Variants in HECW1 observed in about 807,000 individuals in gnomAD.
HECW1 encodes the protein E3 ubiquitin-protein ligase HECW1.
In HECW1, 61 loss-of-function variants were observed where a neutral mutation model predicts 182.3. The observed-to-expected ratio is 0.33, with a 90% confidence interval of 0.27 to 0.41. The LOEUF is 0.41. Among genes scored for constraint, HECW1 ranks in the 10% least tolerant of loss-of-function variants. The pLI is 1.00. For missense variants in HECW1, 1,739 were observed against 2,108.9 expected, an observed-to-expected ratio of 0.82 and a Z score of 3.44; for synonymous variants, 859 against 832.6, an observed-to-expected ratio of 1.03 and a Z score of -0.55.
At chr7:43,315,596 C>T (rs1396084172) in intron 4 of HECW1, among the ~76,000 whole-genome samples, 6 of 152,014 alleles carry the variant, frequency 3.9e-5, no homozygotes, top group Admixed American at 3.3e-4. Context: ...CAGGTTCAAG[C>T]GATTCTCCTG....
At chr7:43,269,475 C>T (rs1802145416) in intron 3 of HECW1, among the ~76,000 whole-genome samples, 2 of 152,190 alleles carry the variant, frequency 1.3e-5, no homozygotes, top group Non-Finnish European at 2.9e-5. Flanking sequence ...CATAGAATAA[C>T]ACTCTATTGT....
intron 4 of HECW1, among the ~76,000 whole-genome samples, chr7:43,317,823 G>GTGTA (rs1372583712): frequency 6.6e-6 from 1 of 150,428 alleles, no homozygotes; most frequent in Admixed American, 6.6e-5. Context: ...GTGTGTGTGT[G>GTGTA]TGTGTGTGTG....
At chr7:43,139,494 T>G (rs1787928823) in intron 2 of HECW1, among the ~76,000 whole-genome samples, 1 of 152,092 alleles carries the variant, frequency 6.6e-6, no homozygotes, top group South Asian at 2.1e-4. Flanking sequence ...TAGAGACTCC[T>G]GTTTTCCTAT....
chr7:43,556,360 G>A (rs2082021871), intron 29 of HECW1, among the ~76,000 whole-genome samples: 1 of 152,196 alleles, frequency 6.6e-6, no homozygotes, highest in Non-Finnish European at 1.5e-5. Flanking sequence ...CACAGGGGAT[G>A]CAGTTGAGAA....
At chr7:43,200,976 A>G (rs1278612674) in intron 2 of HECW1, among the ~76,000 whole-genome samples, 2 of 152,190 alleles carry the variant, frequency 1.3e-5, no homozygotes, top group East Asian at 3.9e-4. Flanking sequence ...GAAGGTTTTT[A>G]TTTCCAGAGT....
chr7:43,438,522 T>C (rs1043231031), intron 9 of HECW1: 2 of 155,184 alleles, frequency 1.3e-5, no homozygotes, highest in Non-Finnish European at 2.9e-5. Context: ...GATTTAATCA[T>C]ATGTGACATT....
At chr7:43,418,442 C>A (rs971971635) in intron 8 of HECW1, among the ~76,000 whole-genome samples, 6 of 151,916 alleles carry the variant, frequency 3.9e-5, no homozygotes, top group Admixed American at 6.6e-5. Context: ...CTGTTTAATT[C>A]TCTCCCCTTT....
chr7:43,154,513 T>C (rs1429943449), intron 2 of HECW1, among the ~76,000 whole-genome samples: 8 of 152,242 alleles, frequency 5.3e-5, no homozygotes. Context: ...GTGAATTATA[T>C]TCTCGTTGTA....
rs1584890394 is a variant in HECW1 at position 43,432,394 on chromosome 7, C to A, written c.802-5609C>A. On this transcript the variant is annotated intron_variant, in intron 8 of 29. Transcript: ENST00000395891. This position sits in a 1 kb window ranked among gnomAD's most constrained non-coding sequence, Gnocchi z 4.1. ...GACCTCGTGATCCGCCCGCCTCGGCCTCCCAAAGTGCTGGGATTACAGGTG... is the reference window on the plus strand; with the variant it reads ...GACCTCGTGATCCGCCCGCCTCGGCATCCCAAAGTGCTGGGATTACAGGTG... Among the ~76,000 whole-genome samples, 1 of 152,274 alleles carries A rather than the reference C, an allele frequency of 6.6e-6. No individual in the cohort carries two copies. Among genetic ancestry groups the A allele is most frequent in the Non-Finnish European group, 1.5e-5 (1 of 68,016 alleles).
intron 13 of HECW1, among the ~76,000 whole-genome samples, chr7:43,460,043 T>G (rs546338669): frequency 1.1e-4 from 16 of 152,364 alleles, no homozygotes; most frequent in African/African-American, 3.8e-4. Context: ...TTAGTTAACC[T>G]GATTTCATAT....
intron 2 of HECW1, among the ~76,000 whole-genome samples, chr7:43,215,195 T>C (rs1796334612): frequency 6.6e-6 from 1 of 152,258 alleles, no homozygotes; most frequent in South Asian, 2.1e-4. Context: ...AGGCACCGCC[T>C]AGTCAGAATG....
Position 43,114,408 on chromosome 7 carries a change from T to C in HECW1, c.-32+17T>C. The C allele has an allele frequency of 7.5e-7, 1 of 1,336,404 alleles. No homozygotes were observed. Among genetic ancestry groups the C allele is most frequent in the South Asian group, 1.2e-5 (1 of 81,270 alleles). The allele number at this position is 1,336,404 out of a possible 1,614,324, so 82.8% of individuals were successfully genotyped here. ...GCTATTACGGTAATTCATTCTAGAT[T>C]GGGGATTCATTTAAAAATGTGTGTT... is the stretch of plus-strand genomic sequence containing the variant. On this transcript the variant is annotated intron_variant, in intron 2 of 29. Transcript: ENST00000395891.
chr7:43,185,447 G>A (rs961889129), intron 2 of HECW1, among the ~76,000 whole-genome samples: 4 of 152,186 alleles, frequency 2.6e-5, no homozygotes, highest in Non-Finnish European at 4.4e-5. Flanking sequence ...CTTGCAACTG[G>A]CATCTGAAGT....
intron 6 of HECW1, among the ~76,000 whole-genome samples, chr7:43,370,845 G>T (rs556546960): frequency 6.6e-6 from 1 of 151,636 alleles, no homozygotes; most frequent in African/African-American, 2.4e-5. Flanking sequence ...AGCGGGGAAG[G>T]ATGAATAGGA....
At chr7:43,505,071 C>T (rs1191382249) in intron 21 of HECW1, among the ~76,000 whole-genome samples, 1 of 152,176 alleles carries the variant, frequency 6.6e-6, no homozygotes, top group Non-Finnish European at 1.5e-5. Flanking sequence ...CCTGGCCATT[C>T]CCGCAGCCTC....
intron 2 of HECW1, among the ~76,000 whole-genome samples, chr7:43,223,816 C>G (rs1406317461): frequency 6.6e-6 from 1 of 152,228 alleles, no homozygotes; most frequent in Non-Finnish European, 1.5e-5. Context: ...CCACTCCTGC[C>G]TCAGGGCCTT....
intron 3 of HECW1, among the ~76,000 whole-genome samples, chr7:43,264,616 C>T (rs574169608): frequency 7.9e-5 from 12 of 152,130 alleles, no homozygotes; most frequent in East Asian, 7.8e-4. Flanking sequence ...GAGGCCAAGG[C>T]GGGCAGATCA....
At chr7:43,230,268 C>T (rs1797768686) in intron 2 of HECW1, among the ~76,000 whole-genome samples, 1 of 152,136 alleles carries the variant, frequency 6.6e-6, no homozygotes, top group Admixed American at 6.5e-5. Flanking sequence ...GTGGCGGGTA[C>T]CTATAGTCCT....
chr7:43,339,642 T>C (rs181418047), intron 5 of HECW1, among the ~76,000 whole-genome samples: 20 of 152,328 alleles, frequency 1.3e-4, no homozygotes, highest in Non-Finnish European at 2.1e-4. Flanking sequence ...TATGAAATAT[T>C]ATACACTTGA....
Sources: gnomAD v4.1 joint callset for allele counts (sites outside exome capture counted in the v4.1 genomes callset) on GRCh38, gnomAD v4.1.1 for gene constraint, Gnocchi (gnomAD v3.1) non-coding constraint, MANE v1.5 for transcripts, NCBI Gene and HGNC (gene_info 2026-07-23, HGNC 2026-07-21) for gene names.